The following ZNF385B variants were observed in gnomAD, a reference collection of about 807,000 sequenced individuals.
ZNF385B encodes the protein zinc finger protein 385B, also known as zinc finger protein 533.
Under a neutral mutation model 39.2 loss-of-function variants are expected in ZNF385B, and 23 were observed. The ratio of observed to expected loss-of-function variants is 0.59; its 90% CI spans 0.42 to 0.83. The LOEUF (loss-of-function observed/expected upper bound fraction) is 0.83. ZNF385B is among the 40% of genes least tolerant of loss of function. The pLI is 0.00. For missense variants in ZNF385B, 552 were observed against 598.9 expected (o/e 0.92, Z 0.82); for synonymous variants, 205 against 222.6 (o/e 0.92, Z 0.70).
intron 3 of ZNF385B, among the ~76,000 whole-genome samples, chr2:179,549,210 C>A (rs1175939212): frequency 6.7e-6 from 1 of 149,398 alleles, no homozygotes; most frequent in Non-Finnish European, 1.5e-5. Flanking sequence ...CTTATCCATT[C>A]ATCAATTGAT....
chr2:179,826,118 T>C (rs1400343978), intron 1 of ZNF385B, among the ~76,000 whole-genome samples: 1 of 152,100 alleles, frequency 6.6e-6, no homozygotes, highest in African/African-American at 2.4e-5. Flanking sequence ...GTTACCAAAT[T>C]ATGAAAAACA....
At chr2:179,748,420 T>C (rs1702500690) in intron 3 of ZNF385B, among the ~76,000 whole-genome samples, 1 of 152,110 alleles carries the variant, frequency 6.6e-6, no homozygotes, top group African/African-American at 2.4e-5. Context: ...CACATGTATT[T>C]CAGAGGGAGG....
intron 3 of ZNF385B, among the ~76,000 whole-genome samples, chr2:179,666,340 C>T (rs185352052): frequency 7.2e-5 from 11 of 152,222 alleles, no homozygotes; most frequent in African/African-American, 2.4e-4. Context: ...ATAGCTTCCC[C>T]TCCTGTGATT....
At chr2:179,506,028 A>G (rs1039353516) in intron 5 of ZNF385B, among the ~76,000 whole-genome samples, 2 of 152,156 alleles carry the variant, frequency 1.3e-5, no homozygotes, top group African/African-American at 2.4e-5. Context: ...TAAATTAACT[A>G]CATGGAAGTT....
intron 3 of ZNF385B, among the ~76,000 whole-genome samples, chr2:179,744,157 G>A (rs1454151754): frequency 6.6e-6 from 1 of 152,002 alleles, no homozygotes; most frequent in East Asian, 1.9e-4. Context: ...GTTAGCAAAG[G>A]ACAAAGTGGC....
chr2:179,639,288 T>C (rs557175496), intron 3 of ZNF385B, among the ~76,000 whole-genome samples: 5 of 140,970 alleles, frequency 3.5e-5, no homozygotes, highest in Admixed American at 7.2e-5. Context: ...TGATCAAAAA[T>C]GGTCAAAGGG....
intron 1 of ZNF385B, among the ~76,000 whole-genome samples, chr2:179,822,218 G>A (rs909938290): frequency 5.9e-5 from 9 of 152,176 alleles, no homozygotes; most frequent in Admixed American, 2.6e-4. Flanking sequence ...TTCCCTTAGA[G>A]GTAGATTGCC....
intron 3 of ZNF385B, among the ~76,000 whole-genome samples, chr2:179,684,165 C>T (rs193100563): frequency 8.6e-4 from 131 of 152,302 alleles, no homozygotes; most frequent in African/African-American, 3.1e-3. Context: ...CCTCCGTTAG[C>T]ATATCAAAAT....
At chr2:179,570,148 C>G (rs569768096) in intron 3 of ZNF385B, among the ~76,000 whole-genome samples, 19 of 152,212 alleles carry the variant, frequency 1.2e-4, no homozygotes, top group African/African-American at 4.6e-4. Context: ...TGAATCATAT[C>G]CAGCCAAGAG....
chr2:179,658,423 G>A (rs1291112632), intron 3 of ZNF385B, among the ~76,000 whole-genome samples: 1 of 152,210 alleles, frequency 6.6e-6, no homozygotes, highest in Non-Finnish European at 1.5e-5. Flanking sequence ...TGGAAGCCAA[G>A]AAGGCAGAAG....
intron 6 of ZNF385B, among the ~76,000 whole-genome samples, chr2:179,481,947 A>G (rs2054043461): frequency 6.6e-6 from 1 of 152,232 alleles, no homozygotes; most frequent in Non-Finnish European, 1.5e-5. Flanking sequence ...TAGATAATAT[A>G]TGTCAGAAGG....
chr2:179,612,579 A>C (rs1384646271), intron 3 of ZNF385B, among the ~76,000 whole-genome samples: 1 of 151,702 alleles, frequency 6.6e-6, no homozygotes, highest in Admixed American at 6.6e-5. Flanking sequence ...TTTCTCACAA[A>C]CTAATGGAGT....
chr2:179,527,456 GA>G (rs200806165), intron 4 of ZNF385B, among the ~76,000 whole-genome samples: 13 of 145,244 alleles, frequency 9.0e-5, no homozygotes, highest in East Asian at 2.0e-4. Context: ...CTAAAGTCAA[GA>G]AAAAAAAAAT....
At chr2:179,735,373 C>G (rs2106437981) in intron 3 of ZNF385B, among the ~76,000 whole-genome samples, 1 of 142,302 alleles carries the variant, frequency 7.0e-6, no homozygotes, top group East Asian at 2.1e-4. Context: ...ATTAAAAAGT[C>G]AGGAAACAAC....
intron 3 of ZNF385B, among the ~76,000 whole-genome samples, chr2:179,578,547 T>C (rs1218410630): frequency 1.3e-5 from 2 of 152,128 alleles, no homozygotes; most frequent in Non-Finnish European, 2.9e-5. Flanking sequence ...ATAATCTACC[T>C]CACTCATATA....
chr2:179,691,209 C>T (rs1215959452), intron 3 of ZNF385B, among the ~76,000 whole-genome samples: 5 of 152,088 alleles, frequency 3.3e-5, no homozygotes, highest in Admixed American at 2.0e-4. Flanking sequence ...TTCTAATAAA[C>T]TAGTCATCCA....
At chr2:179,696,325 A>ATTTTTTTTTTTTTTT (rs1333224792) in intron 3 of ZNF385B, among the ~76,000 whole-genome samples, 43 of 9,818 alleles carry the variant, frequency 4.4e-3, no homozygotes, top group South Asian at 5.1e-3. Context: ...ACAAACTGGG[A>ATTTTTTTTTTTTTTT]CTTTTTTTTT....
intron 3 of ZNF385B, among the ~76,000 whole-genome samples, chr2:179,657,143 C>T (rs377716897): frequency 3.3e-5 from 5 of 152,064 alleles, no homozygotes; most frequent in East Asian, 1.9e-4. Context: ...GAAATGCCTG[C>T]GTCACAACTG....
intron 3 of ZNF385B, among the ~76,000 whole-genome samples, chr2:179,631,380 A>G (rs1451202542): frequency 6.6e-6 from 1 of 152,198 alleles, no homozygotes; most frequent in Non-Finnish European, 1.5e-5. Flanking sequence ...ATTATTAGAG[A>G]AAAGAATTTT....
Sources: allele counts gnomAD v4.1 joint callset (sites outside exome capture counted in the v4.1 genomes callset), GRCh38; gene constraint gnomAD v4.1.1; transcripts MANE v1.5; gene names NCBI Gene and HGNC (gene_info 2026-07-23, HGNC 2026-07-21).